Variants in VPS11 observed in about 807,000 individuals in gnomAD.
VPS11 encodes VPS11 core subunit of CORVET and HOPS complexes.
A neutral mutation model predicts 106.8 loss-of-function variants in VPS11; 51 were observed. The observed-to-expected ratio is 0.48, with a 90% CI of 0.38 to 0.60. The LOEUF is 0.60. VPS11 is among the 20% of genes least tolerant of loss of function. The pLI is 0.00. For missense variants in VPS11, 950 were observed against 1,190.0 expected (o/e 0.80, Z 2.97); for synonymous variants, 453 against 458.7 (o/e 0.99, Z 0.16).
chr11:119,078,043 G>T lies in VPS11; in HGVS notation c.1738G>T (p.Asp580Tyr). 1 of 1,611,814 alleles carries T rather than the reference G, an allele frequency of 6.2e-7. No homozygotes were observed. Among genetic ancestry groups the T allele is most frequent in the Non-Finnish European group, 8.5e-7 (1 of 1,179,888 alleles). ...TCGGCCCAGCCTCGAAGGCCGCAGC[G>T]ATAGGGAGGCCCCAGGCTGCAGGGT... ...DYRPSLEGRSDREAPGCRANS... is the reference protein window; with the variant it reads ...DYRPSLEGRSYREAPGCRANS... Residue 580 changes from aspartate (D) to tyrosine (Y), a missense_variant, in exon 10 of 16, where the codon GAT (aspartate) becomes TAT (tyrosine). Asp to Tyr is a radical substitution (Grantham distance 160, BLOSUM62 -3). Transcript: ENST00000621676.
chr11:119,077,506 G>C lies in VPS11; in HGVS notation c.1431G>C (p.Lys477Asn). 1 of 1,613,552 alleles carries C rather than the reference G, an allele frequency of 6.2e-7. No homozygotes were observed. Among genetic ancestry groups the C allele is most frequent in the Non-Finnish European group, 8.5e-7 (1 of 1,179,674 alleles). ...SSKLEEFIKKKSESEVHFDVE... is the reference protein window; with the variant it reads ...SSKLEEFIKKNSESEVHFDVE... ...GTCTCATGTCTCCCTGGCAGAAAAA[G>C]AGTGAGAGTGAAGTCCACTTTGATG... Residue 477 changes from lysine to asparagine, a missense_variant, in exon 9 of 16, where the codon AAG becomes AAC. Physicochemically the swap from Lys to Asn is moderately conservative, Grantham distance 94. Transcript: ENST00000621676.
intron 5 of VPS11, 163 bp from the exon 6 acceptor site, chr11:119,073,035 T>C: frequency 1.4e-6 from 1 of 731,828 alleles, no homozygotes; most frequent in Non-Finnish European, 2.2e-6. Flanking sequence ...TTATGTGTTC[T>C]CTATGTACAA....
At position 119,068,443 on chromosome 11, in the gene VPS11, C is replaced by CTTTTTTTTT. The variant is rs1945208004; in HGVS notation, c.187+433_187+434insTTTTTTTTT. Among the ~76,000 whole-genome samples the CTTTTTTTTT allele has an allele frequency of 1.6e-3, 57 of 35,796 alleles. 16 individuals carry two copies. The highest frequency in any genetic ancestry group is 3.5e-3 in the East Asian group (3 of 868). 23.5% of individuals were successfully genotyped at this position (35,796 alleles called of 152,430 possible). A position where few individuals can be genotyped will look rare whatever the true frequency, so the allele number is the denominator to read the frequency against. On this transcript the variant is annotated intron_variant, in intron 1 of 15. Coordinates refer to ENST00000621676, the MANE Select transcript of VPS11 (RefSeq NM_021729.6). ...CTGCTACTAAATTCTGGCCTTTTTA[C>CTTTTTTTTT]CTTTTTTTTTTTTTTTTTTTTTTTG...
intron 9 of VPS11, 107 bp downstream of exon 9, chr11:119,077,754 T>C: frequency 6.5e-7 from 1 of 1,540,058 alleles, no homozygotes; most frequent in Non-Finnish European, 8.8e-7. Flanking sequence ...TCCTCCTGAG[T>C]GGAGGTGAGA....
Position 119,073,394 on chromosome 11 carries a change from C to T in VPS11, c.1081C>T (p.Leu361=), listed in dbSNP as rs782665806. 30 of 1,612,508 alleles carry T rather than the reference C, an allele frequency of 1.9e-5. No individual in the cohort carries two copies. The highest frequency in any genetic ancestry group is 2.4e-5 in the Non-Finnish European group (28 of 1,179,772). Residue 361 remains leucine (L), a synonymous_variant, in exon 6 of 16, where the codon CTG becomes TTG. Coordinates refer to ENST00000621676, the MANE Select transcript of VPS11 (RefSeq NM_021729.6). The part of the protein sequence containing the change: ...ALQEKDTQTK[L]EMLFKKNLFE... ...GCAGGAGAAGGACACACAGACCAAA[C>T]TGGAGGCAAGGCCACCAGGCTCGCA...
chr11:119,078,020 G>C lies in VPS11; in HGVS notation c.1715G>C (p.Arg572Pro). The C allele has an allele frequency of 6.2e-7, 1 of 1,613,112 alleles. No homozygotes were observed. The highest frequency in any genetic ancestry group is 8.5e-7 in the Non-Finnish European group (1 of 1,179,866). The change falls in exon 10 of 16, where the codon CGG becomes CCG. Residue 572 changes from arginine (R) to proline (P), a missense_variant. Arg to Pro is a moderately radical substitution (Grantham distance 103). This residue lies in a region of VPS11 where 453 missense variants were observed against 514.6 expected (regional missense o/e 0.88). Coordinates refer to ENST00000621676, the MANE Select transcript of VPS11 (RefSeq NM_021729.6). ...QLLKGLCTDY[R>P]PSLEGRSDRE... Reference sequence around the variant, plus strand: ...CTGAAGGGACTTTGTACTGATTATCGGCCCAGCCTCGAAGGCCGCAGCGAT... The same window carrying C: ...CTGAAGGGACTTTGTACTGATTATCCGCCCAGCCTCGAAGGCCGCAGCGAT...
At position 119,068,443 on chromosome 11, in the gene VPS11, C is replaced by CTTTTTTTTTTTTTTTTTTTTTT. The variant is rs1945208004; in HGVS notation, c.187+433_187+434insTTTTTTTTTTTTTTTTTTTTTT. Among the ~76,000 whole-genome samples the CTTTTTTTTTTTTTTTTTTTTTT allele has an allele frequency of 6.4e-4, 23 of 35,796 alleles. 11 individuals are homozygous for CTTTTTTTTTTTTTTTTTTTTTT. Among genetic ancestry groups the CTTTTTTTTTTTTTTTTTTTTTT allele is most frequent in the Non-Finnish European group, 9.8e-4 (12 of 12,250 alleles). The allele number at this position is 35,796 out of a possible 152,430, so 23.5% of individuals were successfully genotyped here. A position where few individuals can be genotyped will look rare whatever the true frequency, so the allele number is the denominator to read the frequency against. On this transcript the variant is annotated intron_variant, in intron 1 of 15. Transcript: ENST00000621676. ...CTGCTACTAAATTCTGGCCTTTTTA[C>CTTTTTTTTTTTTTTTTTTTTTT]CTTTTTTTTTTTTTTTTTTTTTTTG...
intron 6 of VPS11, 163 bp downstream of exon 6, chr11:119,073,562 T>A: frequency 1.0e-6 from 1 of 987,882 alleles, no homozygotes; most frequent in South Asian, 1.7e-5. Flanking sequence ...GGGATGGGGC[T>A]TTAGAGGGAA....
rs2133640227 is a variant in VPS11 at position 119,068,000 on chromosome 11, G to C, written c.177G>C (p.Leu59=). 7 of 1,606,922 alleles carry C rather than the reference G, an allele frequency of 4.4e-6. No homozygotes were observed. The highest frequency in any genetic ancestry group is 1.3e-5 in the African/African-American group (1 of 74,816). ...ITVCDSGRGS[L]VFGDMEGQIW... ...TCTGCGACTCAGGCCGAGGGAGCCT[G>C]GTCTTTGGAGATATCCTTCGTTTGG... The change falls in exon 1 of 16, where the codon CTG becomes CTC. Residue 59 remains leucine, a synonymous_variant. Coordinates refer to ENST00000621676, the MANE Select transcript of VPS11 (RefSeq NM_021729.6).
Position 119,069,260 on chromosome 11 carries a change from A to G in VPS11, c.252A>G (p.Lys84=). The part of the protein sequence containing the change: ...SLQLTGFQAY[K]LRVTHLYQLK... ...AGCTTACAGGCTTCCAAGCCTACAA[A>G]CTACGGGTGACACACCTGTACCAAC... The change falls in exon 2 of 16, where the codon AAA becomes AAG. Residue 84 remains lysine (K), a synonymous_variant. Coordinates refer to ENST00000621676, the MANE Select transcript of VPS11 (RefSeq NM_021729.6). 2 of 1,613,918 alleles carry G rather than the reference A, an allele frequency of 1.2e-6. No individual in the cohort carries two copies. Among genetic ancestry groups the G allele is most frequent in the Non-Finnish European group, 1.7e-6 (2 of 1,179,884 alleles).
At chr11:119,074,486 A>G (rs1007001767) in intron 7 of VPS11, among the ~76,000 whole-genome samples, 2 of 147,296 alleles carry the variant, frequency 1.4e-5, no homozygotes, top group Non-Finnish European at 3.0e-5. Context: ...GCTCACTGCA[A>G]CCTCTGCCTC....
At position 119,067,931 on chromosome 11, in the gene VPS11, A is replaced by T; in HGVS notation, c.108A>T (p.Gly36=). 1 of 1,612,060 alleles carries T rather than the reference A, an allele frequency of 6.2e-7. No individual in the cohort carries two copies. Among genetic ancestry groups the T allele is most frequent in the South Asian group, 1.1e-5 (1 of 90,500 alleles). Residue 36 remains glycine (G), a synonymous_variant, in exon 1 of 16, where the codon GGA becomes GGT. Transcript: ENST00000621676. ...CTCCCGGGGCCACACCTGCTTCTGGATCCGCTGCTTCCAAGTTCCTTTGCC... is the reference window on the plus strand; with the variant it reads ...CTCCCGGGGCCACACCTGCTTCTGGTTCCGCTGCTTCCAAGTTCCTTTGCC... ...GAAPGATPAS[G]SAASKFLCLP... is the part of the protein sequence containing the mutation.
chr11:119,067,862 C>T lies in VPS11; in HGVS notation c.39C>T (p.Phe13=), dbSNP rs2133639193. 5 of 1,564,694 alleles carry T rather than the reference C, an allele frequency of 3.2e-6. No homozygotes were observed. The highest frequency in any genetic ancestry group is 2.7e-5 in the African/African-American group (2 of 73,910). Residue 13 remains phenylalanine, a synonymous_variant, in exon 1 of 16, where the codon TTC becomes TTT. Transcript: ENST00000621676. ...AYLQWRRFVF[F]DKELVKEPLS... ...TGCAGTGGCGGCGCTTCGTTTTCTT[C>T]GACAAGGAGCTGGTGAAGGAGCCGC...
chr11:119,068,443 C>CTTTTTTTTTTTTTTTTTT (rs1945208004), intron 1 of VPS11, among the ~76,000 whole-genome samples: 1 of 35,796 alleles, frequency 2.8e-5, no homozygotes, highest in Non-Finnish European at 8.2e-5. Flanking sequence ...GGCCTTTTTA[C>CTTTTTTTTTTTTTTTTTT]CTTTTTTTTT....
At chr11:119,073,748 G>A in intron 6 of VPS11, 52 bp from the exon 7 acceptor site, 3 of 1,575,644 alleles carry the variant, frequency 1.9e-6, no homozygotes, top group Non-Finnish European at 2.6e-6. Context: ...TTTTGGGAAA[G>A]TGTCTTCCCA....
chr11:119,075,961 C>T (rs1469686726), intron 7 of VPS11, among the ~76,000 whole-genome samples: 1 of 150,860 alleles, frequency 6.6e-6, no homozygotes, highest in Non-Finnish European at 1.5e-5. Flanking sequence ...GGGGCAGTGA[C>T]TCACGCCTGT....
intron 5 of VPS11, 22 bp from the exon 6 acceptor site, chr11:119,073,176 G>T (rs781936677): frequency 1.2e-6 from 2 of 1,601,484 alleles, no homozygotes; most frequent in Non-Finnish European, 1.7e-6. Flanking sequence ...CAAACATCTG[G>T]TGCTTTTTCT....
Position 119,079,280 on chromosome 11 carries a change from G to T in VPS11, c.2418G>T (p.Glu806Asp), listed in dbSNP as rs1188310807. 15 of 1,597,378 alleles carry T rather than the reference G, an allele frequency of 9.4e-6. No individual in the cohort carries two copies. Among genetic ancestry groups the T allele is most frequent in the Non-Finnish European group, 1.2e-5 (14 of 1,172,104 alleles). The change falls in exon 14 of 16, where the codon GAG (glutamate) becomes GAT (aspartate). Residue 806 changes from glutamate (E) to aspartate (D), a missense_variant. Physicochemically the swap from Glu to Asp is conservative, Grantham distance 45. This residue lies in a region of VPS11 where 453 missense variants were observed against 514.6 expected (regional missense o/e 0.88). Transcript: ENST00000621676. ...YREETTRIRQEIQELKASPKI... is the reference protein window; with the variant it reads ...YREETTRIRQDIQELKASPKI... ...AGGAGACCACCCGTATCCGCCAGGA[G>T]ATCCAAGAGCTCAAGGCCAGGTACC...
Position 119,081,484 on chromosome 11 carries a change from C to G in VPS11, c.2687C>G (p.Ser896Cys). The G allele has an allele frequency of 1.9e-6, 3 of 1,614,038 alleles. No homozygotes were observed. Among genetic ancestry groups the G allele is most frequent in the Non-Finnish European group, 2.5e-6 (3 of 1,179,894 alleles). Residue 896 changes from serine (S) to cysteine (C), a missense_variant, in exon 16 of 16, where the codon TCT becomes TGT. This residue lies in a region of VPS11 where 453 missense variants were observed against 514.6 expected (regional missense o/e 0.88). Coordinates refer to ENST00000621676, the MANE Select transcript of VPS11 (RefSeq NM_021729.6). ...CTCAAGTGCTCCAATGACAGCTTTT[C>G]TGTGATTGCTGACTACTTTGGCAGA... ...HQLKCSNDSF[S>C]VIADYFGRGV...
Sources: gnomAD v4.1 joint callset for allele counts (sites outside exome capture counted in the v4.1 genomes callset) on GRCh38, gnomAD v4.1.1 for gene constraint, gnomAD v4.1.1 regional missense constraint, MANE v1.5 for transcripts, NCBI Gene and HGNC (gene_info 2026-07-23, HGNC 2026-07-21) for gene names.